The following GRID2 variants were observed in gnomAD, a reference collection of about 807,000 sequenced individuals.
The protein encoded by GRID2 is glutamate receptor ionotropic, delta-2.
Under a neutral mutation model 114.8 loss-of-function variants are expected in GRID2, and 33 were observed. The ratio of observed to expected loss-of-function variants is 0.29; its 90% CI spans 0.22 to 0.38. GRID2 has a LOEUF of 0.38. Among genes scored for constraint, GRID2 ranks in the 10% least tolerant of loss-of-function variants. GRID2 has a pLI of 1.00. For synonymous variants in GRID2, 505 were observed against 449.9 expected, an observed-to-expected ratio of 1.12 and a Z score of -1.55; for missense variants, 1,184 against 1,257.7, an observed-to-expected ratio of 0.94 and a Z score of 0.89.
intron 1 of GRID2, among the ~76,000 whole-genome samples, chr4:92,330,976 A>T (rs2110143421): frequency 6.6e-6 from 1 of 151,822 alleles, no homozygotes; most frequent in African/African-American, 2.4e-5. Context: ...TCATTTAAAA[A>T]CTCTTTATTG....
At chr4:93,161,402 T>A (rs546790607) in intron 4 of GRID2, among the ~76,000 whole-genome samples, 1 of 151,970 alleles carries the variant, frequency 6.6e-6, no homozygotes, top group East Asian at 1.9e-4. Flanking sequence ...AGTTTAGAAC[T>A]GAGTATATCT....
intron 2 of GRID2, among the ~76,000 whole-genome samples, chr4:93,066,933 C>A (rs1316143090): frequency 2.0e-5 from 3 of 151,946 alleles, no homozygotes; most frequent in Admixed American, 1.3e-4. Flanking sequence ...GGGTAGGTAG[C>A]ATGTACAGTG....
chr4:92,936,520 T>C (rs1750683662), intron 2 of GRID2, among the ~76,000 whole-genome samples: 1 of 146,374 alleles, frequency 6.8e-6, no homozygotes, highest in African/African-American at 2.4e-5. Flanking sequence ...TTTCATGAAA[T>C]TATTATCTAG....
intron 13 of GRID2, among the ~76,000 whole-genome samples, chr4:93,625,204 C>G (rs1031631218): frequency 1.3e-5 from 2 of 152,214 alleles, no homozygotes; most frequent in Non-Finnish European, 2.9e-5. Flanking sequence ...GGCTTAGAAG[C>G]CTAGTAACCC....
intron 2 of GRID2, among the ~76,000 whole-genome samples, chr4:92,961,476 C>T (rs1481044382): frequency 1.3e-5 from 2 of 151,182 alleles, no homozygotes; most frequent in Non-Finnish European, 3.0e-5. Flanking sequence ...TGATATTTTC[C>T]TCTTAATATT....
intron 1 of GRID2, among the ~76,000 whole-genome samples, chr4:92,354,140 A>G (rs1426915163): frequency 6.6e-6 from 1 of 152,010 alleles, no homozygotes; most frequent in Non-Finnish European, 1.5e-5. Flanking sequence ...TGCCTCCAGA[A>G]CCAGGGACCA....
At chr4:93,445,542 C>A (rs1353397639) in intron 10 of GRID2, among the ~76,000 whole-genome samples, 2 of 151,914 alleles carry the variant, frequency 1.3e-5, no homozygotes, top group Non-Finnish European at 2.9e-5. Flanking sequence ...ATAAAAGTTT[C>A]ACTTTTATGT....
chr4:93,137,035 T>C (rs1182061340), intron 4 of GRID2, among the ~76,000 whole-genome samples: 3 of 152,170 alleles, frequency 2.0e-5, no homozygotes, highest in Admixed American at 1.3e-4. Context: ...TGTAAGTACA[T>C]ATAGAGAAAA....
At chr4:93,346,198 T>C (rs1358427064) in intron 8 of GRID2, among the ~76,000 whole-genome samples, 1 of 152,304 alleles carries the variant, frequency 6.6e-6, no homozygotes, top group East Asian at 1.9e-4. Context: ...AATTAGTAGT[T>C]TGATTTCAAA....
chr4:92,623,169 T>C (rs1730356542), intron 2 of GRID2, among the ~76,000 whole-genome samples: 1 of 151,650 alleles, frequency 6.6e-6, no homozygotes, highest in Admixed American at 6.6e-5. Flanking sequence ...ATAAAAAACA[T>C]TCACCTGCAT....
chr4:92,582,746 T>C (rs776902989), intron 1 of GRID2, among the ~76,000 whole-genome samples: 2 of 151,876 alleles, frequency 1.3e-5, no homozygotes, highest in Non-Finnish European at 2.9e-5. Flanking sequence ...AGTGATAGTA[T>C]AGTTTCTCAA....
At chr4:93,123,076 G>C (rs1321755984) in intron 4 of GRID2, among the ~76,000 whole-genome samples, 1 of 151,932 alleles carries the variant, frequency 6.6e-6, no homozygotes, top group African/African-American at 2.4e-5. Flanking sequence ...ACTAAGCAAA[G>C]AACGGGTTTC....
intron 2 of GRID2, among the ~76,000 whole-genome samples, chr4:92,752,613 TTTTA>T (rs1314558617): frequency 5.8e-4 from 89 of 152,320 alleles, no homozygotes; most frequent in African/African-American, 1.7e-3. Flanking sequence ...TCAGTGGATT[TTTTA>T]TTTAGTTCAT....
chr4:93,553,709 T>C (rs1375841729), intron 13 of GRID2, among the ~76,000 whole-genome samples: 1 of 152,194 alleles, frequency 6.6e-6, no homozygotes, highest in African/African-American at 2.4e-5. Context: ...GGAAGATTTG[T>C]CTAAGGTTCT....
At chr4:93,113,484 A>G (rs1349136110) in intron 4 of GRID2, among the ~76,000 whole-genome samples, 2 of 152,152 alleles carry the variant, frequency 1.3e-5, no homozygotes, top group Admixed American at 6.6e-5. Context: ...CTCGAGATGT[A>G]GTTTATTTGT....
At chr4:93,036,045 A>T (rs1450139381) in intron 2 of GRID2, among the ~76,000 whole-genome samples, 1 of 151,974 alleles carries the variant, frequency 6.6e-6, no homozygotes, top group Non-Finnish European at 1.5e-5. Flanking sequence ...ATCCTTTATG[A>T]TCTTTGGGAA....
chr4:92,417,981 C>A (rs1731702555), intron 1 of GRID2, among the ~76,000 whole-genome samples: 1 of 152,142 alleles, frequency 6.6e-6, no homozygotes, highest in African/African-American at 2.4e-5. Flanking sequence ...GAGGACTCCC[C>A]AGCCATGTGG....
intron 2 of GRID2, among the ~76,000 whole-genome samples, chr4:92,765,485 G>A (rs896130477): frequency 5.3e-5 from 8 of 152,230 alleles, no homozygotes; most frequent in African/African-American, 1.9e-4. Flanking sequence ...ATGAAGCAGA[G>A]AGTTTGTCTG....
intron 2 of GRID2, among the ~76,000 whole-genome samples, chr4:92,708,601 A>C (rs530973161): frequency 2.0e-5 from 3 of 152,328 alleles, no homozygotes; most frequent in Admixed American, 1.3e-4. Flanking sequence ...GAAATGTGAC[A>C]GATTATCACC....
Sources: gnomAD v4.1 joint callset for allele counts (sites outside exome capture counted in the v4.1 genomes callset) on GRCh38, gnomAD v4.1.1 for gene constraint, MANE v1.5 for transcripts, NCBI Gene and HGNC (gene_info 2026-07-23, HGNC 2026-07-21) for gene names.